Variants in GIPC1 observed in about 807,000 individuals in gnomAD.
The protein encoded by GIPC1 is PDZ domain-containing protein GIPC1.
A neutral mutation model predicts 28.5 loss-of-function variants in GIPC1; 15 were observed. The observed-to-expected ratio is 0.53, with a 90% CI of 0.35 to 0.81. The LOEUF is 0.81. Ranked by LOEUF, GIPC1 falls within the 30% of genes least tolerant of loss-of-function variation. The pLI, the probability that GIPC1 is intolerant of heterozygous loss-of-function variation, is 0.01. For missense variants in GIPC1, 439 were observed against 481.9 expected (o/e 0.91, Z 0.83); for synonymous variants, 224 against 206.1 (o/e 1.09, Z -0.74).
chr19:14,494,652 T>G (rs962494662), intron 1 of GIPC1, among the ~76,000 whole-genome samples: 1 of 152,132 alleles, frequency 6.6e-6, no homozygotes, highest in Non-Finnish European at 1.5e-5. Context: ...CACTAAATAT[T>G]TGTAGACTGA....
At chr19:14,494,422 C>A (rs544324106) in intron 1 of GIPC1, among the ~76,000 whole-genome samples, 151 of 152,310 alleles carry the variant, frequency 9.9e-4, no homozygotes, top group African/African-American at 3.4e-3. Context: ...GGGCTGGCAC[C>A]CCTTGCCCAC....
intron 3 of GIPC1, chr19:14,483,475 T>C (rs1236431866): frequency 1.7e-5 from 2 of 115,914 alleles, no homozygotes; most frequent in Admixed American, 1.8e-4. Flanking sequence ...TAAAATAAAA[T>C]AAAAAGCTCA....
In GIPC1 at chr19:14,485,724, G is replaced by T. The variant is rs866790043; in HGVS notation, c.-30-2718C>A. On this transcript the variant is annotated intron_variant, in intron 3 of 8. Coordinates refer to ENST00000393033, the MANE Select transcript of GIPC1 (RefSeq NM_005716.4). ...ATATAGAGAGAGAGAGAGAGAGAGA[G>T]AGAGAGAGAGAGAGAGACAGAGAGA... 1.8e-3 allele frequency among the ~76,000 whole-genome samples: 226 copies of T among 128,426 alleles called. 1 individual carries two copies. The highest frequency in any genetic ancestry group is 5.5e-3 in the East Asian group (23 of 4,150). 84.3% of individuals were successfully genotyped at this position (128,426 alleles called of 152,430 possible). A position where few individuals can be genotyped will look rare whatever the true frequency, so the allele number is the denominator to read the frequency against.
chr19:14,481,712 T>C (rs1316328362), intron 4 of GIPC1: 2 of 98,632 alleles, frequency 2.0e-5, no homozygotes, highest in Non-Finnish European at 3.7e-5. Context: ...AGAGCAAGAC[T>C]CCATCTCAAA....
At chr19:14,495,739 T>C (rs2072061636) in intron 1 of GIPC1, among the ~76,000 whole-genome samples, 2 of 151,974 alleles carry the variant, frequency 1.3e-5, no homozygotes, top group African/African-American at 4.8e-5. Context: ...ACCCCGCGCC[T>C]GTCCACGCTG....
At chr19:14,480,261 A>G (rs767371217) in intron 6 of GIPC1, 44 bp downstream of exon 6, 89 of 1,553,554 alleles carry the variant, frequency 5.7e-5, no homozygotes, top group Middle Eastern at 2.3e-4. Flanking sequence ...GCCTGCGCCC[A>G]TGCGAGCAGC....
At chr19:14,495,624 G>A (rs945242064) in intron 1 of GIPC1, among the ~76,000 whole-genome samples, 1 of 152,078 alleles carries the variant, frequency 6.6e-6, no homozygotes, top group Admixed American at 6.5e-5. Flanking sequence ...TTTTCATGAC[G>A]ATTATTATTC....
Position 14,478,646 on chromosome 19 carries a change from G to C in GIPC1, c.850+38C>G. 1 of 1,610,830 alleles carries C rather than the reference G, an allele frequency of 6.2e-7. No individual in the cohort carries two copies. The highest frequency in any genetic ancestry group is 8.5e-7 in the Non-Finnish European group (1 of 1,177,152). ...CTCAGGGTGGATTCGGCCCCCAGCA[G>C]ACCTAGATGCCCCCTCCCCCAGGCA... On this transcript the variant is annotated intron_variant, in intron 8 of 8. Coordinates refer to ENST00000393033, the MANE Select transcript of GIPC1 (RefSeq NM_005716.4). The surrounding 1 kb of genome is among the most constrained non-coding windows in gnomAD (Gnocchi z 5.2).
chr19:14,496,106 G>T lies in GIPC1; in HGVS notation c.-244C>A. 4.7e-6 allele frequency: 1 copy of T among 211,462 alleles called. No individual in the cohort carries two copies. The allele number at this position is 211,462 out of a possible 1,614,324, so 13.1% of individuals were successfully genotyped here. On this transcript the variant is annotated 5_prime_UTR_variant, in exon 1 of 9. Transcript: ENST00000393033. ...CCGCCTCCCCGTGCGCACCCGGCTC[G>T]GCCCTCCGCAAACTCCAGACCGGGC... is the stretch of plus-strand genomic sequence containing the variant.
chr19:14,480,028 TA>T (rs2071690303), intron 6 of GIPC1: 1 of 570,040 alleles, frequency 1.8e-6, no homozygotes, highest in South Asian at 2.0e-5. Context: ...CTGTTGGGGA[TA>T]GGGGGCTGGC....
At chr19:14,482,654 T>C (rs1181454795) in intron 4 of GIPC1, 35 bp downstream of exon 4, 2 of 1,601,770 alleles carry the variant, frequency 1.2e-6, no homozygotes, top group Non-Finnish European at 1.7e-6. Context: ...TGGTCCACCA[T>C]CAGGGACCCT....
rs764555687 is a variant in GIPC1 at position 14,480,288 on chromosome 19, A to AG, written c.655+16dup. 1 of 1,603,464 alleles carries AG rather than the reference A, an allele frequency of 6.2e-7. No homozygotes were observed. ...GCGAGCAGCGCCACTGGGGAGGTCC[A>AG]GGGGGCGGCTCCTCACCGAAGGCCT... On this transcript the variant is annotated intron_variant, in intron 6 of 8. Transcript: ENST00000393033.
intron 1 of GIPC1, among the ~76,000 whole-genome samples, chr19:14,493,413 T>C (rs948702777): frequency 2.6e-5 from 4 of 151,926 alleles, no homozygotes; most frequent in African/African-American, 9.7e-5. Flanking sequence ...AACCATGTGA[T>C]TCCAAACTTG....
In GIPC1 at chr19:14,482,733, G is replaced by T; in HGVS notation, c.244C>A (p.Leu82Met). ...RIEGFTNVKE[L>M]YGKIAEAFRL... The stretch of plus-strand genomic sequence containing the variant: ...AAGGCCTCGGCGATCTTGCCATACA[G>T]CTCCTTGACGTTGGTGAAGCCCTCG... Residue 82 changes from leucine to methionine, a missense_variant, in exon 4 of 9, where the codon CTG becomes ATG. By Grantham distance (15) the Leu-to-Met change is conservative. Coordinates refer to ENST00000393033, the MANE Select transcript of GIPC1 (RefSeq NM_005716.4). 6.2e-7 allele frequency: 1 copy of T among 1,611,670 alleles called. No individual in the cohort carries two copies. The highest frequency in any genetic ancestry group is 8.5e-7 in the Non-Finnish European group (1 of 1,179,924).
intron 3 of GIPC1, 49 bp from the exon 4 acceptor site, chr19:14,483,055 C>T: frequency 1.5e-6 from 2 of 1,344,414 alleles, no homozygotes; most frequent in Non-Finnish European, 2.1e-6. Flanking sequence ...GCCTTGGGTG[C>T]CCCTCCCACA....
In GIPC1 at chr19:14,479,527, G is replaced by T. The variant is rs953988786; in HGVS notation, c.656-3C>A. On this transcript the variant is annotated splice_region_variant and splice_polypyrimidine_tract_variant and intron_variant, in intron 6 of 8. Transcript: ENST00000393033. The stretch of plus-strand genomic sequence containing the variant: ...CGCTGAACGCTGGCTGATCATGTCT[G>T]TGGGAGGCAGGAGAGGAGTGAGTGT... The T allele has an allele frequency of 4.9e-6, 7 of 1,419,754 alleles. No homozygotes were observed. The highest frequency in any genetic ancestry group is 5.5e-6 in the Non-Finnish European group (6 of 1,081,916). 87.9% of individuals were successfully genotyped at this position (1,419,754 alleles called of 1,614,324 possible).
chr19:14,493,691 T>C (rs2072018434), intron 1 of GIPC1, among the ~76,000 whole-genome samples: 1 of 152,022 alleles, frequency 6.6e-6, no homozygotes, highest in African/African-American at 2.4e-5. Flanking sequence ...CGGAGTTTCA[T>C]TCTTGTTGCC....
chr19:14,487,139 A>T (rs544032167), intron 3 of GIPC1, among the ~76,000 whole-genome samples: 1 of 152,100 alleles, frequency 6.6e-6, no homozygotes, highest in East Asian at 1.9e-4. Flanking sequence ...GTAGGACTGA[A>T]ATTCGGTCTG....
intron 3 of GIPC1, chr19:14,483,221 T>A (rs899397517): frequency 4.6e-5 from 22 of 482,834 alleles, no homozygotes; most frequent in African/African-American, 4.1e-4. Context: ...TACGGAAGGC[T>A]GAGGTGGGCG....
Sources: allele counts gnomAD v4.1 joint callset (sites outside exome capture counted in the v4.1 genomes callset), GRCh38; gene constraint gnomAD v4.1.1; non-coding constraint Gnocchi (gnomAD v3.1); transcripts MANE v1.5; gene names NCBI Gene and HGNC (gene_info 2026-07-23, HGNC 2026-07-21).